FAT3: variants seen among roughly 807,000 people sequenced by gnomAD.
FAT3 encodes the protein FAT atypical cadherin 3.
FAT3 carries 95 observed loss-of-function variants against 310.2 expected under a neutral mutation model. The ratio of observed to expected loss-of-function variants is 0.31; its 90% CI spans 0.26 to 0.36. FAT3 has a LOEUF of 0.36. FAT3 is among the 10% of genes least tolerant of loss of function. The probability of loss-of-function intolerance (pLI) is 1.00; values close to 1 mark genes in which losing one functional copy is unlikely to be tolerated. For missense variants in FAT3, 5,408 were observed against 5,715.6 expected, an observed-to-expected ratio of 0.95 and a Z score of 1.74; for synonymous variants, 2,314 against 2,192.9, an observed-to-expected ratio of 1.06 and a Z score of -1.54.
Position 92,857,265 on chromosome 11 carries a change from G to C in FAT3, c.11417G>C (p.Gly3806Ala), listed in dbSNP as rs1392930103. ...CCTTGTGTGGAGAAGCCGTGTCCAG[G>C]GGACATGCAGTGTGTCAGTTATGAA... ...NDPCVEKPCP[G>A]DMQCVSYEAS... The change falls in exon 20 of 28, where the codon GGG becomes GCG. Residue 3806 changes from glycine (G) to alanine (A), a missense_variant. Physicochemically the swap from Gly to Ala is moderately conservative, Grantham distance 60 (BLOSUM62 0). Around this residue, in one of 5 missense-constraint regions of FAT3, gnomAD observed 4,588 missense variants for 4,809.8 expected, o/e 0.95. Coordinates refer to ENST00000525166, the MANE Select transcript of FAT3 (RefSeq NM_001367949.2). The C allele has an allele frequency of 6.2e-7, 1 of 1,613,996 alleles. No homozygotes were observed. The highest frequency in any genetic ancestry group is 8.5e-7 in the Non-Finnish European group (1 of 1,179,894).
At chr11:92,637,859 A>G (rs543212503) in intron 3 of FAT3, among the ~76,000 whole-genome samples, 1 of 152,368 alleles carries the variant, frequency 6.6e-6, no homozygotes, top group East Asian at 1.9e-4. Context: ...TTGGTTTTCA[A>G]AATAAATGAA....
chr11:92,437,418 A>G (rs1950963169), intron 2 of FAT3, among the ~76,000 whole-genome samples: 1 of 152,220 alleles, frequency 6.6e-6, no homozygotes, highest in South Asian at 2.1e-4. Flanking sequence ...GACCTTGGGC[A>G]AGCTATTTAA....
chr11:92,666,817 A>AG (rs1942969385), intron 3 of FAT3, among the ~76,000 whole-genome samples: 1 of 152,132 alleles, frequency 6.6e-6, no homozygotes, highest in Admixed American at 6.5e-5. Flanking sequence ...AGACAGTAGA[A>AG]GGGGAAAGAG....
intron 2 of FAT3, among the ~76,000 whole-genome samples, chr11:92,390,353 G>A (rs1949721296): frequency 6.6e-6 from 1 of 152,130 alleles, no homozygotes; most frequent in African/African-American, 2.4e-5. Flanking sequence ...CCCACAGGGA[G>A]AGAAGCAAAG....
At position 92,352,739 on chromosome 11, in the gene FAT3, G is replaced by T. The variant is rs749341952; in HGVS notation, c.627G>T (p.Thr209=). ...TTGATCTCTTTTCAGTTCACCCCACGAGTGGTGTCATCTCCTTAAGTGGTC... is the reference window on the plus strand; with the variant it reads ...TTGATCTCTTTTCAGTTCACCCCACTAGTGGTGTCATCTCCTTAAGTGGTC... ...NKVDLFSVHP[T]SGVISLSGRL... The change falls in exon 2 of 28, where the codon ACG becomes ACT. Residue 209 remains threonine, a synonymous_variant. Coordinates refer to ENST00000525166, the MANE Select transcript of FAT3 (RefSeq NM_001367949.2). 1 of 1,613,690 alleles carries T rather than the reference G, an allele frequency of 6.2e-7. No homozygotes were observed. Among genetic ancestry groups the T allele is most frequent in the South Asian group, 1.1e-5 (1 of 91,082 alleles).
intron 3 of FAT3, among the ~76,000 whole-genome samples, chr11:92,527,777 A>AT (rs1953919620): frequency 6.6e-6 from 1 of 152,090 alleles, no homozygotes; most frequent in Admixed American, 6.5e-5. Flanking sequence ...TCAATATAAC[A>AT]TTTTTCAGTA....
chr11:92,412,732 T>TACATACAC (rs1196404353), intron 2 of FAT3, among the ~76,000 whole-genome samples: 1 of 17,948 alleles, frequency 5.6e-5, no homozygotes, highest in African/African-American at 1.1e-4. Context: ...TATATATATA[T>TACATACAC]ATATATATAT....
intron 1 of FAT3, among the ~76,000 whole-genome samples, chr11:92,247,076 T>C (rs1317307642): frequency 1.3e-5 from 2 of 151,804 alleles, no homozygotes; most frequent in Non-Finnish European, 2.9e-5. Flanking sequence ...ACTAGAGAGG[T>C]TGGGATGTCT....
chr11:92,848,721 G>A (rs1591811452), intron 19 of FAT3, among the ~76,000 whole-genome samples: 1 of 152,254 alleles, frequency 6.6e-6, no homozygotes, highest in South Asian at 2.1e-4. Context: ...AATGGATGGA[G>A]TGTTTGCCAT....
chr11:92,579,050 T>A lies in FAT3; in HGVS notation c.3607+54102T>A, dbSNP rs75690097. Among the ~76,000 whole-genome samples, 594 of 152,216 alleles carry A rather than the reference T, an allele frequency of 3.9e-3. 4 individuals are homozygous for A. The highest frequency in any genetic ancestry group is 0.014 in the African/African-American group (575 of 41,556). ...TTCATTATGAAAAACAAGATGGGTATCTATAGTTCCATTAATTGTGTTGTA... is the reference window on the plus strand; with the variant it reads ...TTCATTATGAAAAACAAGATGGGTAACTATAGTTCCATTAATTGTGTTGTA... On this transcript the variant is annotated intron_variant, in intron 3 of 27. Coordinates refer to ENST00000525166, the MANE Select transcript of FAT3 (RefSeq NM_001367949.2).
chr11:92,238,678 C>G (rs1024363506), intron 1 of FAT3, among the ~76,000 whole-genome samples: 71 of 151,828 alleles, frequency 4.7e-4, no homozygotes, highest in Non-Finnish European at 9.1e-4. Context: ...CTATACTGCC[C>G]TAAATTATTT....
chr11:92,794,255 C>CA (rs371914160), intron 9 of FAT3, among the ~76,000 whole-genome samples: 21 of 152,018 alleles, frequency 1.4e-4, no homozygotes, highest in African/African-American at 4.8e-4. Flanking sequence ...GAAACTTTTC[C>CA]AAAAAATGAA....
chr11:92,416,555 T>G (rs1950419069), intron 2 of FAT3, among the ~76,000 whole-genome samples: 1 of 152,206 alleles, frequency 6.6e-6, no homozygotes, highest in Non-Finnish European at 1.5e-5. Context: ...ATATGATGTT[T>G]TCTTAAGCGC....
intron 2 of FAT3, among the ~76,000 whole-genome samples, chr11:92,470,062 A>G (rs147419922): frequency 1.2e-3 from 179 of 152,316 alleles, no homozygotes; most frequent in African/African-American, 4.0e-3. Context: ...CATTATCTCT[A>G]ACGGTCCAGT....
At chr11:92,711,481 T>C (rs1591637029) in intron 4 of FAT3, among the ~76,000 whole-genome samples, 3 of 152,106 alleles carry the variant, frequency 2.0e-5, no homozygotes, top group Admixed American at 2.0e-4. Flanking sequence ...TTTCAAGCCA[T>C]TTACTAGCCT....
At chr11:92,389,927 C>T (rs982245253) in intron 2 of FAT3, among the ~76,000 whole-genome samples, 2 of 152,010 alleles carry the variant, frequency 1.3e-5, no homozygotes, top group Admixed American at 6.6e-5. Flanking sequence ...CTTCACATTA[C>T]CTTGTGGAAA....
At position 92,799,712 on chromosome 11, in the gene FAT3, T is replaced by G. The variant is rs1190647272; in HGVS notation, c.6699T>G (p.Ile2233Met). 1 of 1,613,106 alleles carries G rather than the reference T, an allele frequency of 6.2e-7. No individual in the cohort carries two copies. ...IDGDPFKQFN[I>M]DFDTGVLKVV... ...GGGACCCTTTTAAACAGTTTAACAT[T>G]GACTTTGACACTGGGGTCCTGAAAG... is the stretch of plus-strand genomic sequence containing the variant. The change falls in exon 10 of 28, where the codon ATT becomes ATG. Residue 2233 changes from isoleucine to methionine, a missense_variant. Physicochemically the swap from Ile to Met is conservative, Grantham distance 10 (BLOSUM62 1). Coordinates refer to ENST00000525166, the MANE Select transcript of FAT3 (RefSeq NM_001367949.2).
At chr11:92,312,354 T>C (rs201856702) in intron 1 of FAT3, among the ~76,000 whole-genome samples, 339 of 152,306 alleles carry the variant, frequency 2.2e-3, no homozygotes, top group African/African-American at 7.7e-3. Flanking sequence ...CTTTTCTGCT[T>C]CCTCTTTAGT....
chr11:92,564,718 C>G (rs1353875440), intron 3 of FAT3, among the ~76,000 whole-genome samples: 1 of 151,704 alleles, frequency 6.6e-6, no homozygotes, highest in Non-Finnish European at 1.5e-5. Context: ...AACTAGAACT[C>G]AGGATTAAGG....
Sources: gnomAD v4.1 joint callset for allele counts (sites outside exome capture counted in the v4.1 genomes callset) on GRCh38, gnomAD v4.1.1 for gene constraint, gnomAD v4.1.1 regional missense constraint, MANE v1.5 for transcripts, NCBI Gene and HGNC (gene_info 2026-07-23, HGNC 2026-07-21) for gene names.